Variants in LUZP1 observed in about 807,000 individuals in gnomAD.
LUZP1 encodes filamin mechanobinding actin cross-linking protein.
A neutral mutation model predicts 71.3 loss-of-function variants in LUZP1; 25 were observed. The ratio of observed to expected loss-of-function variants is 0.35; its 90% CI spans 0.26 to 0.49. LUZP1 has a LOEUF of 0.49. Among genes scored for constraint, LUZP1 ranks in the 20% least tolerant of loss-of-function variants. The pLI, the probability that LUZP1 is intolerant of heterozygous loss-of-function variation, is 0.99. For missense variants in LUZP1, 1,142 were observed against 1,300.8 expected (o/e 0.88, Z 1.88); for synonymous variants, 481 against 506.4 (o/e 0.95, Z 0.67).
At chr1:23,092,479 G>A (rs1395121571) in exon 4 of LUZP1, 3 of 1,614,106 alleles carry the variant, frequency 1.9e-6, no homozygotes. Context: ...TTGGAATTCG[G>A]GCAACTGTTA....
chr1:23,138,287 T>G (rs1239708627), intron 2 of LUZP1, among the ~76,000 whole-genome samples: 1 of 152,130 alleles, frequency 6.6e-6, no homozygotes, highest in African/African-American at 2.4e-5. Flanking sequence ...AAATGTAGTA[T>G]TATTATACAA....
intron 2 of LUZP1, among the ~76,000 whole-genome samples, chr1:23,150,248 C>CA (rs1644373724): frequency 6.6e-6 from 1 of 151,952 alleles, no homozygotes. Context: ...GGACAAAAGA[C>CA]AAAAAGCAAT....
At chr1:23,167,456 A>C (rs1170211033) in intron 2 of LUZP1, among the ~76,000 whole-genome samples, 1 of 152,124 alleles carries the variant, frequency 6.6e-6, no homozygotes, top group Non-Finnish European at 1.5e-5. Context: ...CCTTCTCCCA[A>C]GGTCATTCAA....
chr1:23,143,129 C>T (rs1012442068), intron 2 of LUZP1, among the ~76,000 whole-genome samples: 4 of 152,048 alleles, frequency 2.6e-5, no homozygotes, highest in African/African-American at 9.7e-5. Context: ...CTGCCTCAGC[C>T]TCCAGGGTAG....
intron 2 of LUZP1, among the ~76,000 whole-genome samples, chr1:23,157,967 G>C (rs1245158212): frequency 3.3e-5 from 5 of 151,736 alleles, no homozygotes; most frequent in Admixed American, 6.6e-5. Flanking sequence ...AGCTATTATT[G>C]AGCCACCGCA....
rs1335500105 is a variant in LUZP1 at position 23,165,819 on chromosome 1, C to T, written c.-226+2947G>A. 2.0e-5 allele frequency among the ~76,000 whole-genome samples: 3 copies of T among 152,198 alleles called. No homozygotes were observed. In the East Asian group the frequency reaches 5.8e-4, roughly 29 times the overall value. ...GACACTGTCCCTAAAAGCTGTATTA[C>T]ATGAAAAATGATTCTGTTTCTGATA... is the stretch of plus-strand genomic sequence containing the variant. On this transcript the variant is annotated intron_variant, in intron 2 of 4. Coordinates refer to ENST00000302291, the Ensembl canonical transcript of LUZP1.
At chr1:23,161,413 C>T (rs1644463135) in intron 2 of LUZP1, among the ~76,000 whole-genome samples, 1 of 151,940 alleles carries the variant, frequency 6.6e-6, no homozygotes, top group Non-Finnish European at 1.5e-5. Context: ...AAGAAGTGTT[C>T]GAGGAAGACA....
intron 1 of LUZP1, among the ~76,000 whole-genome samples, chr1:23,174,708 C>A (rs1644572692): frequency 6.6e-6 from 1 of 152,130 alleles, no homozygotes; most frequent in South Asian, 2.1e-4. Context: ...AAAAAGAAAG[C>A]TAACCAAGCT....
At chr1:23,134,734 G>T (rs889696831) in intron 2 of LUZP1, among the ~76,000 whole-genome samples, 1 of 152,172 alleles carries the variant, frequency 6.6e-6, no homozygotes, top group Non-Finnish European at 1.5e-5. Flanking sequence ...ACTGAGCCAT[G>T]ATCAGGCCAC....
At chr1:23,162,023 CAAAAAAAAA>C (rs377371342) in intron 2 of LUZP1, among the ~76,000 whole-genome samples, 2 of 59,516 alleles carry the variant, frequency 3.4e-5, no homozygotes, top group East Asian at 1.1e-3. Context: ...GAGACTGTCT[CAAAAAAAAA>C]AAAAAAAAAA....
chr1:23,093,296 A>G lies in LUZP1; in HGVS notation c.966T>C (p.Leu322=). The G allele has an allele frequency of 2.5e-6, 4 of 1,610,964 alleles. No homozygotes were observed. The highest frequency in any genetic ancestry group is 3.4e-6 in the Non-Finnish European group (4 of 1,179,272). The change falls in exon 4 of 5, where the codon CTT becomes CTC. Residue 322 remains leucine (L), a synonymous_variant. Transcript: ENST00000302291. This position sits in a 1 kb window ranked among gnomAD's most constrained non-coding sequence, Gnocchi z 4.2. ...TTTGTTCACTTAGGTAATTATCCTG[A>G]AGGTCGTTATTTTTGGACTTCATTT...
At chr1:23,151,718 A>C (rs966496719) in intron 2 of LUZP1, among the ~76,000 whole-genome samples, 2 of 152,138 alleles carry the variant, frequency 1.3e-5, no homozygotes, top group African/African-American at 4.8e-5. Flanking sequence ...GAAATGGTAG[A>C]TAATGGCCAG....
At chr1:23,161,651 G>T (rs1644467094) in intron 2 of LUZP1, among the ~76,000 whole-genome samples, 1 of 152,176 alleles carries the variant, frequency 6.6e-6, no homozygotes, top group Non-Finnish European at 1.5e-5. Context: ...AATGGGCAAT[G>T]AGATTGGCAT....
intron 2 of LUZP1, among the ~76,000 whole-genome samples, chr1:23,158,429 T>C (rs1644437036): frequency 6.6e-6 from 1 of 151,978 alleles, no homozygotes; most frequent in Middle Eastern, 3.2e-3. Context: ...GGCAGGCAGA[T>C]CACGCGGTCA....
intron 2 of LUZP1, among the ~76,000 whole-genome samples, chr1:23,121,904 C>G (rs2124668409): frequency 6.6e-6 from 1 of 152,188 alleles, no homozygotes; most frequent in South Asian, 2.1e-4. Context: ...CTCAGTTACT[C>G]AGGAGGCTGA....
intron 2 of LUZP1, among the ~76,000 whole-genome samples, chr1:23,113,580 G>T (rs1253840985): frequency 2.6e-5 from 4 of 150,986 alleles, no homozygotes; most frequent in Non-Finnish European, 5.9e-5. Context: ...GATCAATGAG[G>T]TAAAAGAAAA....
At position 23,122,798 on chromosome 1, in the gene LUZP1, C is replaced by G. The variant is rs140696020; in HGVS notation, c.-225-13671G>C. ...TTGGATCCAAGTCTCCACACCTCCC[C>G]CATCTTCCCAACTCTTCATCCTAAT... On this transcript the variant is annotated intron_variant, in intron 2 of 4. Transcript: ENST00000302291. Among the ~76,000 whole-genome samples, 183 of 152,332 alleles carry G rather than the reference C, an allele frequency of 1.2e-3. 3 individuals carry two copies. Among genetic ancestry groups the G allele is most frequent in the African/African-American group, 4.2e-3 (173 of 41,576 alleles).
At chr1:23,149,079 T>TAAAAAAAAAAAAAAAAAAAAAA (rs58910170) in intron 2 of LUZP1, among the ~76,000 whole-genome samples, 3 of 37,408 alleles carry the variant, frequency 8.0e-5, no homozygotes, top group African/African-American at 1.2e-4. Flanking sequence ...ACACCTTGCC[T>TAAAAAAAAAAAAAAAAAAAAAA]AAAAAAAAAA....
intron 2 of LUZP1, among the ~76,000 whole-genome samples, chr1:23,127,737 A>G (rs1644183201): frequency 6.6e-6 from 1 of 152,084 alleles, no homozygotes; most frequent in African/African-American, 2.4e-5. Context: ...GTTAGCCAGG[A>G]TGGTCTTGAT....
Sources: allele counts gnomAD v4.1 joint callset (sites outside exome capture counted in the v4.1 genomes callset), GRCh38; gene constraint gnomAD v4.1.1; non-coding constraint Gnocchi (gnomAD v3.1); transcripts MANE v1.5; gene names NCBI Gene and HGNC (gene_info 2026-07-23, HGNC 2026-07-21).